The following SFMBT1 variants were observed in gnomAD, a reference collection of about 807,000 sequenced individuals.
SFMBT1 encodes the protein Scm like with four mbt domains 1, also known as scm-like with four MBT domains protein 1.
In SFMBT1, 32 loss-of-function variants were observed where a neutral mutation model predicts 108.7. That is an observed-to-expected ratio of 0.29 (90% confidence interval 0.22 to 0.40). The LOEUF is 0.40. Ranked by LOEUF, SFMBT1 falls within the 10% of genes least tolerant of loss-of-function variation. The pLI is 1.00. For synonymous variants in SFMBT1, 348 were observed against 369.5 expected (o/e 0.94, Z 0.67); for missense variants, 816 against 1,059.6 (o/e 0.77, Z 3.19).
chr3:52,973,163 G>A (rs927722944), intron 1 of SFMBT1, among the ~76,000 whole-genome samples: 4 of 152,086 alleles, frequency 2.6e-5, no homozygotes, highest in Non-Finnish European at 5.9e-5. Context: ...GTTACCATGA[G>A]CAATGATCAC....
At chr3:52,910,952 G>A (rs755499087) in intron 17 of SFMBT1, 51 bp downstream of exon 17, 1 of 1,580,086 alleles carries the variant, frequency 6.3e-7, no homozygotes, top group Non-Finnish European at 8.7e-7. Flanking sequence ...TTTCCAAGAT[G>A]TAAGGTATGG....
rs185006733 is a variant in SFMBT1, at chr3:52,964,640, C to T, written c.28+4461G>A. On this transcript the variant is annotated intron_variant, in intron 2 of 20. Transcript: ENST00000394752. ...CAGATTGTGGTCTCTAAATATCATACCTACTTTAAAGAAAAAAAAAGCTCC... is the reference window on the plus strand; with the variant it reads ...CAGATTGTGGTCTCTAAATATCATATCTACTTTAAAGAAAAAAAAAGCTCC... Among the ~76,000 whole-genome samples, 85 of 152,146 alleles carry T rather than the reference C, an allele frequency of 5.6e-4. 1 individual carries two copies. The highest frequency in any genetic ancestry group is 1.9e-3 in the Admixed American group (29 of 15,282).
chr3:52,961,525 G>A (rs1314034830), intron 2 of SFMBT1, among the ~76,000 whole-genome samples: 1 of 152,202 alleles, frequency 6.6e-6, no homozygotes, highest in Non-Finnish European at 1.5e-5. Flanking sequence ...AATAGCCACT[G>A]CACTCCAGCC....
chr3:52,903,740 T>C lies in SFMBT1; in HGVS notation c.*1396A>G, dbSNP rs990025482. 1.3e-5 allele frequency: 2 copies of C among 152,202 alleles called. No individual in the cohort carries two copies. Among genetic ancestry groups the C allele is most frequent in the Non-Finnish European group, 2.9e-5 (2 of 68,032 alleles). The allele number at this position is 152,202 out of a possible 1,614,324, so 9.4% of individuals were successfully genotyped here. ...CCATTTAAGGGAGACAACCTATGTA[T>C]GTTTTTCCTCACTCCTCATGACTAG... is the stretch of plus-strand genomic sequence containing the variant. On this transcript the variant is annotated 3_prime_UTR_variant, in exon 21 of 21. Transcript: ENST00000394752.
chr3:53,034,754 C>T (rs1175204707), intron 1 of SFMBT1, among the ~76,000 whole-genome samples: 1 of 151,502 alleles, frequency 6.6e-6, no homozygotes, highest in African/African-American at 2.4e-5. Flanking sequence ...TTGGCCAACA[C>T]GGAGAAACCC....
At chr3:52,999,046 T>C (rs1192612864) in intron 1 of SFMBT1, among the ~76,000 whole-genome samples, 3 of 150,690 alleles carry the variant, frequency 2.0e-5, no homozygotes, top group African/African-American at 7.3e-5. Flanking sequence ...TTGTCATCCA[T>C]GCGTAAGCCG....
rs185700325 is a variant in SFMBT1 at position 52,941,150 on chromosome 3, A to C, written c.364+2203T>G. Among the ~76,000 whole-genome samples, 36 of 152,378 alleles carry C rather than the reference A, an allele frequency of 2.4e-4. 1 individual carries two copies. The highest frequency in any genetic ancestry group is 1.0e-3 in the South Asian group (5 of 4,832). Reference sequence around the variant, plus strand: ...TAATGAACATTATTGGGACCAGGATAGAATGAACATTGGGAAAACTGGCCT... The same window carrying C: ...TAATGAACATTATTGGGACCAGGATCGAATGAACATTGGGAAAACTGGCCT... On this transcript the variant is annotated intron_variant, in intron 4 of 20. Coordinates refer to ENST00000394752, the MANE Select transcript of SFMBT1 (RefSeq NM_016329.4).
At chr3:52,993,823 CAG>C (rs906756033) in intron 1 of SFMBT1, among the ~76,000 whole-genome samples, 10 of 150,140 alleles carry the variant, frequency 6.7e-5, no homozygotes, top group African/African-American at 2.4e-4. Flanking sequence ...AAGGAAAGAA[CAG>C]AAAATCCTTT....
chr3:52,907,475 C>G lies in SFMBT1; in HGVS notation c.2085+80G>C, dbSNP rs1052169967. On this transcript the variant is annotated intron_variant, in intron 18 of 20. Coordinates refer to ENST00000394752, the MANE Select transcript of SFMBT1 (RefSeq NM_016329.4). ...GGCCAGAGATCTGAGTTAGAAAGAC[C>G]TGCAGGTATTCTGTGTCCATACTAT... 5.2e-6 allele frequency: 8 copies of G among 1,534,506 alleles called. No individual in the cohort carries two copies. In the African/African-American group the frequency reaches 9.7e-5, roughly 19 times the overall value.
chr3:52,947,650 T>C (rs750294830), intron 3 of SFMBT1, among the ~76,000 whole-genome samples: 2 of 152,182 alleles, frequency 1.3e-5, no homozygotes, highest in South Asian at 2.1e-4. Context: ...ATGATGTCTT[T>C]TGATAAACAG....
chr3:52,980,318 T>A (rs1372708273), intron 1 of SFMBT1, among the ~76,000 whole-genome samples: 1 of 151,608 alleles, frequency 6.6e-6, no homozygotes, highest in Non-Finnish European at 1.5e-5. Flanking sequence ...TGAGCTCAAG[T>A]GTTGCGACTA....
At chr3:52,913,238 C>G (rs1482887444) in intron 15 of SFMBT1, among the ~76,000 whole-genome samples, 2 of 152,210 alleles carry the variant, frequency 1.3e-5, no homozygotes, top group Non-Finnish European at 2.9e-5. Flanking sequence ...TGGTCTCTGA[C>G]AGAAGACCTT....
chr3:52,934,921 A>C lies in SFMBT1; in HGVS notation c.365-20T>G. The C allele has an allele frequency of 2.5e-6, 4 of 1,599,446 alleles. No homozygotes were observed. The highest frequency in any genetic ancestry group is 3.4e-6 in the Non-Finnish European group (4 of 1,169,450). On this transcript the variant is annotated intron_variant, in intron 4 of 20. Coordinates refer to ENST00000394752, the MANE Select transcript of SFMBT1 (RefSeq NM_016329.4). The stretch of plus-strand genomic sequence containing the variant: ...TGATGCCTAGATGAGGGAATAAATG[A>C]CTGATTACTCAAAATGCCAGCCACA...
At chr3:52,935,331 T>C (rs748441702) in intron 4 of SFMBT1, among the ~76,000 whole-genome samples, 5 of 152,246 alleles carry the variant, frequency 3.3e-5, no homozygotes, top group Non-Finnish European at 7.3e-5. Context: ...TCCAGCCTGC[T>C]GTCTGTTTTT....
chr3:52,978,252 G>A (rs564814297), intron 1 of SFMBT1, among the ~76,000 whole-genome samples: 1 of 152,196 alleles, frequency 6.6e-6, no homozygotes, highest in East Asian at 1.9e-4. Flanking sequence ...CCAGGCAGAG[G>A]GAAAAGCCAG....
intron 1 of SFMBT1, among the ~76,000 whole-genome samples, chr3:52,989,439 GAAA>G (rs1559539538): frequency 1.3e-5 from 1 of 74,252 alleles, no homozygotes; most frequent in Non-Finnish European, 3.3e-5. Context: ...AAAAAAAAAA[GAAA>G]GAAAGAAAGA....
At chr3:53,001,371 C>T (rs982405517) in intron 1 of SFMBT1, among the ~76,000 whole-genome samples, 2 of 150,184 alleles carry the variant, frequency 1.3e-5, no homozygotes, top group African/African-American at 4.8e-5. Flanking sequence ...TTCAAGGCTG[C>T]AGTGAGCCAT....
At chr3:52,931,920 C>T in intron 6 of SFMBT1, 142 bp downstream of exon 6, 1 of 943,516 alleles carries the variant, frequency 1.1e-6, no homozygotes, top group Non-Finnish European at 1.5e-6. Context: ...TTAACAACTC[C>T]ATATAAACTG....
chr3:52,937,856 C>T (rs1703063029), intron 4 of SFMBT1, among the ~76,000 whole-genome samples: 2 of 152,308 alleles, frequency 1.3e-5, no homozygotes, highest in South Asian at 2.1e-4. Flanking sequence ...GCTGGGATTA[C>T]AGGAGTGAGC....
Sources: gnomAD v4.1 joint callset for allele counts (sites outside exome capture counted in the v4.1 genomes callset) on GRCh38, gnomAD v4.1.1 for gene constraint, MANE v1.5 for transcripts, NCBI Gene and HGNC (gene_info 2026-07-23, HGNC 2026-07-21) for gene names.